Variants in RNF38 observed in about 807,000 individuals in gnomAD.
RNF38 encodes the protein ring finger protein 38.
Under a neutral mutation model 67.2 loss-of-function variants are expected in RNF38, and 15 were observed. The observed-to-expected ratio is 0.22, with a 90% CI of 0.15 to 0.34. The LOEUF is 0.34. Among genes scored for constraint, RNF38 ranks in the 10% least tolerant of loss-of-function variants. The pLI, the probability that RNF38 is intolerant of heterozygous loss-of-function variation, is 1.00. For missense variants in RNF38, 524 were observed against 639.9 expected, an observed-to-expected ratio of 0.82 and a Z score of 1.95; for synonymous variants, 220 against 218.8, an observed-to-expected ratio of 1.01 and a Z score of -0.05.
At chr9:36,414,945 C>A (rs1049616201) in intron 2 of RNF38, among the ~76,000 whole-genome samples, 5 of 152,124 alleles carry the variant, frequency 3.3e-5, no homozygotes, top group African/African-American at 4.8e-5. Flanking sequence ...ACAGGTTTTC[C>A]TTTATGCTTT....
intron 2 of RNF38, among the ~76,000 whole-genome samples, chr9:36,388,524 A>C (rs917682472): frequency 5.9e-5 from 9 of 152,158 alleles, no homozygotes; most frequent in African/African-American, 2.2e-4. Flanking sequence ...TTGTTCAAAA[A>C]GACTGGTGGT....
chr9:36,479,657 G>A (rs1396845928), intron 1 of RNF38, among the ~76,000 whole-genome samples: 1 of 152,074 alleles, frequency 6.6e-6, no homozygotes, highest in Admixed American at 6.6e-5. Context: ...TAATTAACCA[G>A]TGGTTGGTAT....
intron 1 of RNF38, among the ~76,000 whole-genome samples, chr9:36,454,149 A>T (rs1367148471): frequency 6.6e-6 from 1 of 151,480 alleles, no homozygotes; most frequent in Non-Finnish European, 1.5e-5. Context: ...TTTGAGACAG[A>T]GTCTCACTCT....
At chr9:36,468,889 G>A (rs1311988584) in intron 1 of RNF38, among the ~76,000 whole-genome samples, 1 of 151,670 alleles carries the variant, frequency 6.6e-6, no homozygotes, top group Non-Finnish European at 1.5e-5. Flanking sequence ...TGAGGCGGGT[G>A]GATCACAAGG....
In RNF38 at chr9:36,351,190, A is replaced by G; in HGVS notation, c.1188T>C (p.Leu396=). The part of the protein sequence containing the change: ...PSLLPYVLSM[L]PVPPAVGPTF... ...TTGGGCCCACTGCAGGTGGCACTGG[A>G]AGCATTGATCTGCAGTGAAAACAAT... The change falls in exon 9 of 12, where the codon CTT becomes CTC. Residue 396 remains leucine (L), a synonymous_variant. Transcript: ENST00000259605. 6.2e-7 allele frequency: 1 copy of G among 1,611,360 alleles called. No individual in the cohort carries two copies. The highest frequency in any genetic ancestry group is 2.2e-5 in the East Asian group (1 of 44,824).
chr9:36,356,858 A>T (rs1477665376), intron 5 of RNF38, among the ~76,000 whole-genome samples: 2 of 152,140 alleles, frequency 1.3e-5, no homozygotes, highest in African/African-American at 4.8e-5. Context: ...AATCCTGTAG[A>T]AATCTTTTTC....
chr9:36,435,992 T>G (rs1200362804), intron 1 of RNF38, among the ~76,000 whole-genome samples: 1 of 152,184 alleles, frequency 6.6e-6, no homozygotes, highest in Non-Finnish European at 1.5e-5. Flanking sequence ...TTTGTATCCA[T>G]GAGAACCTAT....
intron 9 of RNF38, among the ~76,000 whole-genome samples, chr9:36,350,657 T>C (rs550066444): frequency 6.6e-6 from 1 of 152,372 alleles, no homozygotes; most frequent in East Asian, 1.9e-4. Flanking sequence ...GTTTTCTCAT[T>C]TGCATTCTCA....
chr9:36,357,731 G>A, intron 5 of RNF38, 44 bp downstream of exon 5: 8 of 1,540,746 alleles, frequency 5.2e-6, no homozygotes, highest in Non-Finnish European at 6.3e-6. Flanking sequence ...TCAGGCTGGT[G>A]TGCTTAATAG....
At position 36,400,146 on chromosome 9, in the gene RNF38, C is replaced by T; in HGVS notation, c.-38G>A. The T allele has an allele frequency of 1.2e-6, 2 of 1,610,616 alleles. No individual in the cohort carries two copies. The highest frequency in any genetic ancestry group is 1.7e-6 in the Non-Finnish European group (2 of 1,178,508). ...AAAAACTTTATTTCTTTTTGGACCT[C>T]AATAACCTGAAACACTCCCGTTTCA... On this transcript the variant is annotated 5_prime_UTR_variant, in exon 1 of 12. Coordinates refer to ENST00000259605, the MANE Select transcript of RNF38 (RefSeq NM_022781.5).
At chr9:36,400,380 C>CG, upstream of RNF38, 1 of 1,168,612 alleles carries the variant, frequency 8.6e-7, no homozygotes. Flanking sequence ...TGCCGGGCAG[C>CG]GGGCCGGCGG....
intron 7 of RNF38, 21 bp downstream of exon 7, chr9:36,353,147 CAT>C (rs763158193): frequency 1.2e-6 from 2 of 1,601,896 alleles, no homozygotes; most frequent in African/African-American, 2.7e-5. Context: ...AAGTAATTAA[CAT>C]AGTACTCTGT....
chr9:36,398,661 G>A (rs1033826320), intron 1 of RNF38, among the ~76,000 whole-genome samples: 1 of 152,222 alleles, frequency 6.6e-6, no homozygotes, highest in African/African-American at 2.4e-5. Flanking sequence ...AAGGCTGTGA[G>A]TTAAGTAGAG....
chr9:36,405,025 C>G (rs937744582), upstream of RNF38, among the ~76,000 whole-genome samples: 2 of 152,102 alleles, frequency 1.3e-5, no homozygotes, highest in African/African-American at 4.8e-5. Flanking sequence ...AATCCCAGCA[C>G]TTTAGGAGGT....
chr9:36,422,341 T>C (rs570583600), intron 2 of RNF38, among the ~76,000 whole-genome samples: 15 of 151,504 alleles, frequency 9.9e-5, no homozygotes, highest in Admixed American at 5.3e-4. Flanking sequence ...CTTTTGAACC[T>C]GGGAGGCAGA....
intron 1 of RNF38, among the ~76,000 whole-genome samples, chr9:36,479,919 G>A (rs1431527575): frequency 1.3e-5 from 2 of 152,124 alleles, no homozygotes; most frequent in African/African-American, 4.8e-5. Flanking sequence ...GGGCAACATA[G>A]CAAGACCCTG....
chr9:36,409,236 TGGAAGGAAAGAA>T (rs1838257331), intron 2 of RNF38, among the ~76,000 whole-genome samples: 1 of 95,832 alleles, frequency 1.0e-5, no homozygotes, highest in Admixed American at 1.4e-4. Context: ...GAAGGAAGGA[TGGAAGGAAAGAA>T]GGAAGGAAGG....
chr9:36,420,078 A>C (rs915691126), intron 2 of RNF38, among the ~76,000 whole-genome samples: 1 of 152,196 alleles, frequency 6.6e-6, no homozygotes, highest in Admixed American at 6.5e-5. Flanking sequence ...GGTTTCTTCA[A>C]ACAGCAGAGT....
intron 1 of RNF38, among the ~76,000 whole-genome samples, chr9:36,466,076 A>C (rs1839856518): frequency 6.6e-6 from 1 of 152,152 alleles, no homozygotes; most frequent in African/African-American, 2.4e-5. Flanking sequence ...AAAAGTAACA[A>C]AGTGCTGATA....
Sources: allele counts gnomAD v4.1 joint callset (sites outside exome capture counted in the v4.1 genomes callset), GRCh38; gene constraint gnomAD v4.1.1; transcripts MANE v1.5; gene names NCBI Gene and HGNC (gene_info 2026-07-23, HGNC 2026-07-21).